NSMAF: variants seen among roughly 807,000 people sequenced by gnomAD.
NSMAF encodes the protein neutral sphingomyelinase activation associated factor.
A neutral mutation model predicts 134.9 loss-of-function variants in NSMAF; 90 were observed. The observed-to-expected ratio is 0.67, with a 90% CI of 0.56 to 0.79. The LOEUF is 0.79. Among genes scored for constraint, NSMAF ranks in the 30% least tolerant of loss-of-function variants. The pLI is 0.00. For missense variants in NSMAF, 1,010 were observed against 1,119.0 expected (o/e 0.90, Z 1.39); for synonymous variants, 358 against 389.6 (o/e 0.92, Z 0.96).
chr8:58,616,092 C>A (rs1332596067), intron 9 of NSMAF, among the ~76,000 whole-genome samples: 2 of 152,032 alleles, frequency 1.3e-5, no homozygotes, highest in Admixed American at 6.6e-5. Context: ...AAAACAGGAA[C>A]AGAAGAAACA....
At chr8:58,640,646 A>G (rs1366160071) in intron 2 of NSMAF, among the ~76,000 whole-genome samples, 8 of 152,212 alleles carry the variant, frequency 5.3e-5, no homozygotes, top group South Asian at 4.1e-4. Context: ...ATTATATTGT[A>G]AAGTTGATTA....
intron 1 of NSMAF, among the ~76,000 whole-genome samples, chr8:58,658,475 G>T (rs2129149434): frequency 6.6e-6 from 1 of 152,336 alleles, no homozygotes; most frequent in South Asian, 2.1e-4. Context: ...AGAGAAAGAT[G>T]AATGTCTGGA....
chr8:58,650,212 ACCAGGCTAGG>A (rs2129148397), intron 1 of NSMAF, among the ~76,000 whole-genome samples: 1 of 152,322 alleles, frequency 6.6e-6, no homozygotes, highest in African/African-American at 2.4e-5. Flanking sequence ...TACACCTGGT[ACCAGGCTAGG>A]CCTAGGCAGC....
rs1280376744 is a variant in NSMAF at position 58,597,371 on chromosome 8, T to C, written c.1792+16A>G. 1.2e-6 allele frequency: 2 copies of C among 1,609,684 alleles called. No individual in the cohort carries two copies. Among genetic ancestry groups the C allele is most frequent in the African/African-American group, 2.7e-5 (2 of 74,708 alleles). On this transcript the variant is annotated intron_variant, in intron 21 of 30. Coordinates refer to ENST00000038176, the MANE Select transcript of NSMAF (RefSeq NM_003580.4). Reference sequence around the variant, plus strand: ...AAACAAAAGGTGCTCACGTTTATTCTCTTTACAAAATTTACCTGGGGAATC... The same window carrying C: ...AAACAAAAGGTGCTCACGTTTATTCCCTTTACAAAATTTACCTGGGGAATC...
intron 1 of NSMAF, among the ~76,000 whole-genome samples, chr8:58,655,977 A>T (rs1807698907): frequency 6.6e-6 from 1 of 151,944 alleles, no homozygotes; most frequent in South Asian, 2.1e-4. Flanking sequence ...GGACATTTTT[A>T]AAAAACAATA....
intron 1 of NSMAF, 102 bp downstream of exon 1, chr8:58,659,471 C>A: frequency 6.7e-7 from 1 of 1,491,608 alleles, no homozygotes; most frequent in Non-Finnish European, 8.9e-7. Flanking sequence ...CCTCCGTGCC[C>A]GGCCCCCACG....
In NSMAF at chr8:58,607,900, T is replaced by C. The variant is rs1205366327; in HGVS notation, c.688-60A>G. ...GTTCTGACACAATTAGAAGTTGTTC[T>C]ATAGTATCAGAAAGGGGAAAAAAAA... On this transcript the variant is annotated intron_variant, in intron 10 of 30. Coordinates refer to ENST00000038176, the MANE Select transcript of NSMAF (RefSeq NM_003580.4). 4.3e-6 allele frequency: 6 copies of C among 1,386,478 alleles called. No homozygotes were observed. In the African/African-American group the frequency reaches 7.2e-5, roughly 17 times the overall value. 85.9% of individuals were successfully genotyped at this position (1,386,478 alleles called of 1,614,324 possible).
At chr8:58,651,727 C>A (rs904439937) in intron 1 of NSMAF, among the ~76,000 whole-genome samples, 1 of 152,180 alleles carries the variant, frequency 6.6e-6, no homozygotes, top group Non-Finnish European at 1.5e-5. Flanking sequence ...AATAAAAAAT[C>A]AAGATGAATG....
chr8:58,659,273 G>T, intron 1 of NSMAF: 1 of 1,512,422 alleles, frequency 6.6e-7, no homozygotes, highest in Non-Finnish European at 8.8e-7. Context: ...AGCTGCCCGC[G>T]GCCGCCGGGA....
chr8:58,601,544 C>CAGA lies in NSMAF; in HGVS notation c.1126-12_1126-10dup, dbSNP rs1554573852. On this transcript the variant is annotated splice_polypyrimidine_tract_variant and intron_variant, in intron 14 of 30. Transcript: ENST00000038176. ...ATTTCCTGGTAGCGTGTCTAGAATA[C>CAGA]AGAAAAAAAAAAAAAATAGAGCTAA... The CAGA allele has an allele frequency of 1.1e-5, 10 of 912,234 alleles. No homozygotes were observed. The highest frequency in any genetic ancestry group is 1.4e-5 in the Non-Finnish European group (10 of 713,922). 56.5% of individuals were successfully genotyped at this position (912,234 alleles called of 1,614,324 possible). A position where few individuals can be genotyped will look rare whatever the true frequency, so the allele number is the denominator to read the frequency against.
chr8:58,616,552 C>G (rs1285688073), intron 9 of NSMAF, among the ~76,000 whole-genome samples: 2 of 151,728 alleles, frequency 1.3e-5, no homozygotes, highest in African/African-American at 4.8e-5. Flanking sequence ...AATTCTACAC[C>G]CATTATTGAA....
intron 1 of NSMAF, among the ~76,000 whole-genome samples, chr8:58,643,907 A>T (rs1807388534): frequency 6.6e-6 from 1 of 152,266 alleles, no homozygotes; most frequent in Non-Finnish European, 1.5e-5. Flanking sequence ...TAAAATGAGT[A>T]AACCAAACTG....
intron 1 of NSMAF, among the ~76,000 whole-genome samples, chr8:58,646,434 A>T (rs2129147883): frequency 6.6e-6 from 1 of 152,356 alleles, no homozygotes; most frequent in African/African-American, 2.4e-5. Context: ...TAATTATTAA[A>T]ATATAATCAT....
chr8:58,590,754 C>A, intron 24 of NSMAF, 113 bp downstream of exon 24: 1 of 1,146,536 alleles, frequency 8.7e-7, no homozygotes, highest in Non-Finnish European at 1.2e-6. Context: ...GGTAGATTTA[C>A]TACACAGGAA....
At chr8:58,621,800 C>T (rs1470627319) in intron 9 of NSMAF, among the ~76,000 whole-genome samples, 1 of 152,120 alleles carries the variant, frequency 6.6e-6, no homozygotes, top group Non-Finnish European at 1.5e-5. Context: ...AGTGTCTGTT[C>T]ATGACCTTGG....
At position 58,595,638 on chromosome 8, in the gene NSMAF, A is replaced by G. The variant is rs368959599; in HGVS notation, c.1814T>C (p.Leu605Pro). ...DSPGEESFEDLTEESKTLAWN... is the reference protein window; with the variant it reads ...DSPGEESFEDPTEESKTLAWN... ...GGCCAGTGTTTTGCTTTCTTCGGTC[A>G]GGTCTTCAAAAGACTCTTCACCTGG... The change falls in exon 22 of 31, where the codon CTG (leucine) becomes CCG (proline). Residue 605 changes from leucine to proline, a missense_variant. Transcript: ENST00000038176. The G allele has an allele frequency of 6.2e-7, 1 of 1,613,864 alleles. No individual in the cohort carries two copies.
intron 22 of NSMAF, 76 bp from the exon 23 acceptor site, chr8:58,594,366 T>G (rs1806086073): frequency 7.5e-7 from 1 of 1,334,690 alleles, no homozygotes; most frequent in Non-Finnish European, 1.1e-6. Context: ...ATCCTTGATT[T>G]AATTTTACCA....
chr8:58,600,223 G>A (rs1806247526), intron 16 of NSMAF: 2 of 581,578 alleles, frequency 3.4e-6, no homozygotes, highest in Middle Eastern at 4.6e-4. Flanking sequence ...ACTTCTCCAG[G>A]GTCACATGGC....
chr8:58,659,221 G>T, intron 1 of NSMAF: 1 of 1,472,516 alleles, frequency 6.8e-7, no homozygotes, highest in Non-Finnish European at 8.9e-7. Context: ...CCGGGCTCGC[G>T]TGCCGGGATC....
Sources: allele counts gnomAD v4.1 joint callset (sites outside exome capture counted in the v4.1 genomes callset), GRCh38; gene constraint gnomAD v4.1.1; transcripts MANE v1.5; gene names NCBI Gene and HGNC (gene_info 2026-07-23, HGNC 2026-07-21).